NXPH1: variants seen among roughly 807,000 people sequenced by gnomAD.
NXPH1 encodes the protein neurexophilin 1.
In NXPH1, 5 loss-of-function variants were observed where a neutral mutation model predicts 23.7. The ratio of observed to expected loss-of-function variants is 0.21; its 90% CI spans 0.11 to 0.44. NXPH1 has a LOEUF of 0.44. NXPH1 is among the 20% of genes least tolerant of loss of function. The pLI is 0.99. For missense variants in NXPH1, 324 were observed against 321.6 expected (o/e 1.01, Z -0.06); for synonymous variants, 144 against 122.2 (o/e 1.18, Z -1.18).
At chr7:8,652,655 G>C (rs549798539) in intron 2 of NXPH1, among the ~76,000 whole-genome samples, 2 of 152,234 alleles carry the variant, frequency 1.3e-5, no homozygotes, top group African/African-American at 4.8e-5. Flanking sequence ...TGCTCATATG[G>C]AGCTTATTTC....
intron 2 of NXPH1, among the ~76,000 whole-genome samples, chr7:8,561,383 C>CACACAT (rs1554256950): frequency 6.8e-6 from 1 of 147,232 alleles, no homozygotes; most frequent in Admixed American, 6.8e-5. Context: ...CACACACACA[C>CACACAT]CTCTCTCTCT....
chr7:8,599,274 A>G (rs1251514201), intron 2 of NXPH1, among the ~76,000 whole-genome samples: 2 of 152,154 alleles, frequency 1.3e-5, no homozygotes, highest in African/African-American at 4.8e-5. Context: ...GACATTCAGG[A>G]TGAGAGAATG....
chr7:8,736,585 C>A (rs2115223083), intron 2 of NXPH1, among the ~76,000 whole-genome samples: 1 of 152,186 alleles, frequency 6.6e-6, no homozygotes, highest in East Asian at 1.9e-4. Context: ...TGATGTGGTG[C>A]TGACAAGAAT....
chr7:8,701,282 C>A (rs912876718), intron 2 of NXPH1, among the ~76,000 whole-genome samples: 5 of 151,948 alleles, frequency 3.3e-5, no homozygotes, highest in Admixed American at 2.0e-4. Flanking sequence ...CATTTTTCTC[C>A]CATGTTAAAG....
chr7:8,736,655 C>A (rs1485646261), intron 2 of NXPH1, among the ~76,000 whole-genome samples: 1 of 152,142 alleles, frequency 6.6e-6, no homozygotes, highest in Admixed American at 6.5e-5. Context: ...CCTCTTGGTC[C>A]ATAGCTGAGT....
chr7:8,702,338 TAATAA>T (rs904664002), intron 2 of NXPH1, among the ~76,000 whole-genome samples: 3 of 152,094 alleles, frequency 2.0e-5, no homozygotes, highest in Admixed American at 6.6e-5. Context: ...ATTGTGTAAA[TAATAA>T]AATAAAACTT....
chr7:8,513,729 C>A (rs996703541), intron 2 of NXPH1, among the ~76,000 whole-genome samples: 1 of 152,056 alleles, frequency 6.6e-6, no homozygotes, highest in African/African-American at 2.4e-5. Flanking sequence ...TCCCTTTGAG[C>A]TCTCCACTAA....
chr7:8,713,821 T>A (rs1340894616), intron 2 of NXPH1, among the ~76,000 whole-genome samples: 1 of 151,962 alleles, frequency 6.6e-6, no homozygotes, highest in Non-Finnish European at 1.5e-5. Flanking sequence ...GCTAATGGAG[T>A]CTCTCTTTCT....
At chr7:8,579,398 T>G (rs1233922255) in intron 2 of NXPH1, among the ~76,000 whole-genome samples, 1 of 150,372 alleles carries the variant, frequency 6.7e-6, no homozygotes, top group Non-Finnish European at 1.5e-5. Flanking sequence ...TGAGACAGAG[T>G]TTTCACACTG....
chr7:8,514,958 A>G (rs1012254140), intron 2 of NXPH1, among the ~76,000 whole-genome samples: 1 of 152,080 alleles, frequency 6.6e-6, no homozygotes, highest in African/African-American at 2.4e-5. Context: ...TCTGTCCCAC[A>G]CAGAGGCAGC....
chr7:8,501,797 C>A (rs1029169018), intron 2 of NXPH1, among the ~76,000 whole-genome samples: 2 of 152,034 alleles, frequency 1.3e-5, no homozygotes, highest in Non-Finnish European at 2.9e-5. Context: ...CTCCCCAATG[C>A]AGCAACGAGA....
intron 2 of NXPH1, among the ~76,000 whole-genome samples, chr7:8,559,884 T>C (rs1818412874): frequency 6.6e-6 from 1 of 151,710 alleles, no homozygotes; most frequent in Admixed American, 6.6e-5. Flanking sequence ...CCAAATCTGA[T>C]CCATTTGTAG....
intron 2 of NXPH1, among the ~76,000 whole-genome samples, chr7:8,563,549 T>C (rs1818487082): frequency 6.6e-6 from 1 of 151,722 alleles, no homozygotes; most frequent in African/African-American, 2.4e-5. Flanking sequence ...GAAACAAGAC[T>C]CGGAAGCACT....
intron 2 of NXPH1, among the ~76,000 whole-genome samples, chr7:8,705,870 C>G (rs1779696724): frequency 6.6e-6 from 1 of 152,106 alleles, no homozygotes; most frequent in South Asian, 2.1e-4. Context: ...TCTTGGTTAG[C>G]TTATTTGGCT....
rs567440828 is a variant in NXPH1, at chr7:8,649,878, C to A, written c.55-101130C>A. Among the ~76,000 whole-genome samples the A allele has an allele frequency of 8.5e-5, 13 of 152,212 alleles. No individual in the cohort carries two copies. The South Asian group carries it at 2.5e-3, about 29-fold the overall frequency. ...TCTACCATCTTGACAGAAACAGAAGCCCCCAATGCTATTTTACTCTTCATT... is the reference window on the plus strand; with the variant it reads ...TCTACCATCTTGACAGAAACAGAAGACCCCAATGCTATTTTACTCTTCATT... On this transcript the variant is annotated intron_variant, in intron 2 of 2. Transcript: ENST00000405863.
intron 2 of NXPH1, among the ~76,000 whole-genome samples, chr7:8,523,210 A>G (rs1318969835): frequency 6.6e-6 from 1 of 152,212 alleles, no homozygotes. Flanking sequence ...TCTCAAGCCC[A>G]TATCTTCCAG....
intron 2 of NXPH1, among the ~76,000 whole-genome samples, chr7:8,531,528 A>T (rs1015281097): frequency 6.6e-6 from 1 of 152,080 alleles, no homozygotes. Context: ...TGTACTCTCT[A>T]TTCTCTATCT....
chr7:8,721,845 TTTAACA>T (rs1259411022), intron 2 of NXPH1, among the ~76,000 whole-genome samples: 1 of 152,260 alleles, frequency 6.6e-6, no homozygotes, highest in African/African-American at 2.4e-5. Context: ...CATACCTTCC[TTTAACA>T]TTATGTGAGA....
chr7:8,656,550 T>A (rs1036135765), intron 2 of NXPH1, among the ~76,000 whole-genome samples: 7 of 151,458 alleles, frequency 4.6e-5, no homozygotes, highest in South Asian at 2.1e-4. Flanking sequence ...TCTTTTTTTT[T>A]TTATTATTAT....
Sources: gnomAD v4.1 joint callset for allele counts (sites outside exome capture counted in the v4.1 genomes callset) on GRCh38, gnomAD v4.1.1 for gene constraint, MANE v1.5 for transcripts, NCBI Gene and HGNC (gene_info 2026-07-23, HGNC 2026-07-21) for gene names.